Variants in TENM4 observed in about 807,000 individuals in gnomAD.
The protein encoded by TENM4 is teneurin-4.
A neutral mutation model predicts 243.3 loss-of-function variants in TENM4; 82 were observed. The observed-to-expected ratio is 0.34, with a 90% CI of 0.28 to 0.40. The LOEUF is 0.40. Ranked by LOEUF, TENM4 falls within the 10% of genes least tolerant of loss-of-function variation. The pLI is 1.00. For synonymous variants in TENM4, 1,412 were observed against 1,456.3 expected, an observed-to-expected ratio of 0.97 and a Z score of 0.69; for missense variants, 3,138 against 3,673.3, an observed-to-expected ratio of 0.85 and a Z score of 3.77.
At chr11:79,392,244 C>T (rs550602022) in intron 1 of TENM4, among the ~76,000 whole-genome samples, 2 of 152,306 alleles carry the variant, frequency 1.3e-5, no homozygotes, top group Admixed American at 6.5e-5. Context: ...GATGTTTGCT[C>T]ACAGGGAAGT....
chr11:79,332,826 C>T (rs1301698426), intron 1 of TENM4, among the ~76,000 whole-genome samples: 1 of 152,166 alleles, frequency 6.6e-6, no homozygotes, highest in Non-Finnish European at 1.5e-5. Context: ...CTCACCTCCT[C>T]TGGTGCCAGG....
chr11:79,325,574 C>T (rs1301916316), intron 1 of TENM4, among the ~76,000 whole-genome samples: 1 of 152,158 alleles, frequency 6.6e-6, no homozygotes, highest in Non-Finnish European at 1.5e-5. Context: ...CTGTCAAATG[C>T]CTCTCTGTCG....
chr11:79,040,647 C>A (rs1348529671), intron 6 of TENM4, among the ~76,000 whole-genome samples: 1 of 152,186 alleles, frequency 6.6e-6, no homozygotes, highest in African/African-American at 2.4e-5. Context: ...TCTTGGCCAG[C>A]ACAGCCTGGA....
chr11:79,069,911 G>A lies in TENM4; in HGVS notation c.34C>T (p.Leu12=), dbSNP rs1287621114. ...CGCTCGGCGTCGCGGCGCCGGGTCA[G>A]CGAGCGGTAAGGCTTCCTCTCCTTC... ...DVKERKPYRS[L]TRRRDAERRY... is the part of the protein sequence containing the mutation. The change falls in exon 5 of 34, where the codon CTG becomes TTG. Residue 12 remains leucine, a synonymous_variant. Transcript: ENST00000278550. 5 of 1,547,444 alleles carry A rather than the reference G, an allele frequency of 3.2e-6. No homozygotes were observed. The East Asian group carries it at 1.2e-4, about 38-fold the overall frequency.
At chr11:79,435,707 A>C (rs545562384) in intron 1 of TENM4, among the ~76,000 whole-genome samples, 18 of 152,330 alleles carry the variant, frequency 1.2e-4, no homozygotes, top group Admixed American at 9.1e-4. Flanking sequence ...GGAGACTTGC[A>C]CCACTGGTGC....
intron 7 of TENM4, among the ~76,000 whole-genome samples, chr11:78,899,560 G>GGGGT (rs1855879001): frequency 3.7e-5 from 3 of 80,782 alleles, no homozygotes; most frequent in African/African-American, 1.9e-4. Flanking sequence ...CTCAAAAAGC[G>GGGGT]GGGGGGGGGG....
intron 3 of TENM4, among the ~76,000 whole-genome samples, chr11:79,172,934 C>T (rs1422481984): frequency 1.3e-5 from 2 of 152,164 alleles, no homozygotes; most frequent in Admixed American, 1.3e-4. Context: ...AGCCACCGTG[C>T]CTGGCCCTCG....
At chr11:79,066,757 C>G (rs1860269970) in intron 5 of TENM4, among the ~76,000 whole-genome samples, 1 of 152,120 alleles carries the variant, frequency 6.6e-6, no homozygotes, top group Admixed American at 6.5e-5. Context: ...CACGCACGCA[C>G]AAGCACGCAC....
chr11:79,132,062 G>T (rs562169535), intron 4 of TENM4, among the ~76,000 whole-genome samples: 118 of 152,066 alleles, frequency 7.8e-4, no homozygotes, highest in African/African-American at 2.6e-3. Flanking sequence ...ACGAAATAAG[G>T]CTAGGCATGG....
In TENM4 at chr11:78,702,086, G is replaced by A. The variant is rs749023866; in HGVS notation, c.4527C>T (p.Ala1509=). The A allele has an allele frequency of 1.7e-5, 27 of 1,613,780 alleles. No homozygotes were observed. The Admixed American group carries it at 4.5e-4, about 27-fold the overall frequency. The part of the protein sequence containing the change: ...TSGEISLVAG[A]PSGCDCKNDA... The stretch of plus-strand genomic sequence containing the variant: ...CATTTTTACAGTCACAGCCACTGGG[G>A]GCCCCAGCAACGAGTGAGATCTCTC... The change falls in exon 28 of 34, where the codon GCC becomes GCT. Residue 1509 remains alanine, a synonymous_variant. Transcript: ENST00000278550.
chr11:78,702,531 G>A, intron 27 of TENM4, 128 bp from the exon 28 acceptor site: 1 of 1,117,126 alleles, frequency 9.0e-7, no homozygotes, highest in Non-Finnish European at 1.3e-6. Context: ...TCCTCATGCA[G>A]CCTATCATCA....
At chr11:78,738,812 G>A (rs1162675989) in intron 19 of TENM4, among the ~76,000 whole-genome samples, 2 of 152,228 alleles carry the variant, frequency 1.3e-5, no homozygotes, top group Non-Finnish European at 2.9e-5. Context: ...CTCACTCGGA[G>A]GTTATTTTCT....
At chr11:78,864,947 G>C (rs113156243) in intron 9 of TENM4, among the ~76,000 whole-genome samples, 4 of 152,260 alleles carry the variant, frequency 2.6e-5, no homozygotes, top group East Asian at 3.9e-4. Flanking sequence ...GACCCGCTAG[G>C]GGGGCTAGAA....
At chr11:79,121,828 C>T (rs1401756743) in intron 4 of TENM4, among the ~76,000 whole-genome samples, 3 of 152,140 alleles carry the variant, frequency 2.0e-5, no homozygotes, top group African/African-American at 4.8e-5. Context: ...GGCTGTCTGA[C>T]CATGGACAAG....
chr11:78,959,755 A>G (rs1047392565), intron 6 of TENM4, among the ~76,000 whole-genome samples: 5 of 152,124 alleles, frequency 3.3e-5, no homozygotes, highest in Non-Finnish European at 7.4e-5. Context: ...AAAGTCCCCC[A>G]TCTCCTTCCC....
At chr11:78,994,043 G>A (rs1858109785) in intron 6 of TENM4, among the ~76,000 whole-genome samples, 1 of 152,166 alleles carries the variant, frequency 6.6e-6, no homozygotes, top group African/African-American at 2.4e-5. Flanking sequence ...ATCATTTCAA[G>A]GCTTATTTTA....
At chr11:79,334,564 C>T (rs1412312196) in intron 1 of TENM4, among the ~76,000 whole-genome samples, 1 of 152,172 alleles carries the variant, frequency 6.6e-6, no homozygotes, top group Non-Finnish European at 1.5e-5. Context: ...GCTAGAGGCT[C>T]CTCACAGCTG....
At chr11:78,788,438 T>A (rs184349407) in intron 15 of TENM4, among the ~76,000 whole-genome samples, 12 of 152,356 alleles carry the variant, frequency 7.9e-5, no homozygotes, top group Non-Finnish European at 4.4e-5. Context: ...GCCAGGGACC[T>A]GGATCCTATG....
At chr11:78,876,596 T>C (rs997038398) in intron 9 of TENM4, among the ~76,000 whole-genome samples, 4 of 152,232 alleles carry the variant, frequency 2.6e-5, no homozygotes, top group Non-Finnish European at 4.4e-5. Flanking sequence ...GCTGTCTCCT[T>C]TGGAATCCCA....
Sources: gnomAD v4.1 joint callset for allele counts (sites outside exome capture counted in the v4.1 genomes callset) on GRCh38, gnomAD v4.1.1 for gene constraint, MANE v1.5 for transcripts, NCBI Gene and HGNC (gene_info 2026-07-23, HGNC 2026-07-21) for gene names.